Variants in BIRC3 observed in about 807,000 individuals in gnomAD.
BIRC3 encodes the protein baculoviral IAP repeat-containing protein 3.
A neutral mutation model predicts 59.0 loss-of-function variants in BIRC3; 26 were observed. The observed-to-expected ratio is 0.44, with a 90% CI of 0.32 to 0.61. BIRC3 has a LOEUF of 0.61. Among genes scored for constraint, BIRC3 ranks in the 20% least tolerant of loss-of-function variants. BIRC3 has a pLI of 0.04. For missense variants in BIRC3, 641 were observed against 711.5 expected, an observed-to-expected ratio of 0.90 and a Z score of 1.13; for synonymous variants, 243 against 249.2, an observed-to-expected ratio of 0.98 and a Z score of 0.24.
In BIRC3 at chr11:102,325,385, T is replaced by TA. The variant is rs769215256; in HGVS notation, c.853+31dup. ...TGGGTAAGAAACTGAATCTGCTAAT[T>TA]AAAAAAAATATATTTCATTTTATAC... On this transcript the variant is annotated intron_variant, in intron 2 of 8. Transcript: ENST00000263464. The TA allele has an allele frequency of 3.8e-5, 60 of 1,582,192 alleles. No homozygotes were observed. The East Asian group carries it at 7.4e-4, about 20-fold the overall frequency.
intron 3 of BIRC3, among the ~76,000 whole-genome samples, 195 bp from the exon 4 acceptor site, chr11:102,327,857 G>T (rs1040101114): frequency 3.9e-5 from 6 of 151,962 alleles, no homozygotes; most frequent in Non-Finnish European, 4.4e-5. Flanking sequence ...AATAGAATCA[G>T]TTCCCAGTGG....
At position 102,322,389 on chromosome 11, in the gene BIRC3, A is replaced by C. The variant is rs1308542514; in HGVS notation, c.-2121A>C. The C allele has an allele frequency of 4.8e-6, 1 of 207,078 alleles. No individual in the cohort carries two copies. The highest frequency in any genetic ancestry group is 2.3e-5 in the African/African-American group (1 of 43,958). The allele number at this position is 207,078 out of a possible 1,614,324, so 12.8% of individuals were successfully genotyped here. A position where few individuals can be genotyped will look rare whatever the true frequency, so the allele number is the denominator to read the frequency against. On this transcript the variant is annotated 5_prime_UTR_variant, in exon 2 of 9. Transcript: ENST00000263464. Reference sequence around the variant, plus strand: ...CAAATTTAGAGGAAGTAAAAAGATAAATGTGATGATTGGTCAAGAAATTAT... The same window carrying C: ...CAAATTTAGAGGAAGTAAAAAGATACATGTGATGATTGGTCAAGAAATTAT...
rs1950981370 is a variant in BIRC3 at position 102,317,587 on chromosome 11, T to C, written c.-2674+16T>C. 1.3e-5 allele frequency: 2 copies of C among 151,914 alleles called. No homozygotes were observed. Among genetic ancestry groups the C allele is most frequent in the Non-Finnish European group, 1.4e-5 (1 of 68,990 alleles). The allele number at this position is 151,914 out of a possible 1,614,324, so 9.4% of individuals were successfully genotyped here. On this transcript the variant is annotated intron_variant, in intron 1 of 8. Transcript: ENST00000263464. ...TGGGCAGCAGGTGGGCAAGGAAGGC[T>C]GGTGTGTGTGTGTGTGTGTGTGCGT...
In BIRC3 at chr11:102,331,251, T is replaced by C; in HGVS notation, c.1324+10T>C. 6.2e-7 allele frequency: 1 copy of C among 1,601,128 alleles called. No homozygotes were observed. Among genetic ancestry groups the C allele is most frequent in the Non-Finnish European group, 8.5e-7 (1 of 1,175,116 alleles). ...GAGGAAAAAGAATCAAGTATGTAGA[T>C]TTATTAATACAGTCTATTTTCATAA... On this transcript the variant is annotated intron_variant, in intron 6 of 8. Transcript: ENST00000263464.
intron 6 of BIRC3, 22 bp from the exon 7 acceptor site, chr11:102,335,944 G>T (rs759590535): frequency 3.1e-6 from 5 of 1,594,482 alleles, no homozygotes; most frequent in Non-Finnish European, 4.3e-6. Context: ...ACATGTTTAT[G>T]CTTGTTTTCT....
chr11:102,332,357 G>A (rs575203552), intron 6 of BIRC3, among the ~76,000 whole-genome samples: 4 of 152,290 alleles, frequency 2.6e-5, no homozygotes, highest in South Asian at 2.1e-4. Flanking sequence ...TAAGGAAAAC[G>A]GAAGGGAATT....
In BIRC3 at chr11:102,324,645, T is replaced by C. The variant is rs1379964530; in HGVS notation, c.136T>C (p.Ser46Pro). Reference protein sequence around the residue: ...YSTFPAGVPVSERSLARAGFY... With the variant: ...YSTFPAGVPVPERSLARAGFY... ...CACTTTTCCTGCTGGGGTTCCTGTC[T>C]CAGAAAGGAGTCTTGCTCGTGCTGG... Residue 46 changes from serine (S) to proline (P), a missense_variant, in exon 2 of 9, where the codon TCA becomes CCA. Ser to Pro is a moderately conservative substitution (Grantham distance 74). Transcript: ENST00000263464. The C allele has an allele frequency of 1.2e-6, 2 of 1,614,078 alleles. No individual in the cohort carries two copies.
intron 5 of BIRC3, among the ~76,000 whole-genome samples, chr11:102,330,409 A>G (rs536986553): frequency 6.6e-6 from 1 of 152,342 alleles, no homozygotes; most frequent in South Asian, 2.1e-4. Context: ...CAGAATGTGA[A>G]TGATTCAGTG....
chr11:102,318,394 C>A (rs1022251246), intron 1 of BIRC3, among the ~76,000 whole-genome samples: 3 of 152,174 alleles, frequency 2.0e-5, no homozygotes, highest in Non-Finnish European at 4.4e-5. Flanking sequence ...ACTCTGTGGT[C>A]ATTAATATAA....
intron 3 of BIRC3, among the ~76,000 whole-genome samples, chr11:102,327,635 G>C (rs1403631070): frequency 1.3e-5 from 2 of 150,910 alleles, no homozygotes; most frequent in Non-Finnish European, 3.0e-5. Flanking sequence ...GCGAGACTCT[G>C]TCTAAAAAAA....
intron 2 of BIRC3, 37 bp downstream of exon 2, chr11:102,325,399 T>C (rs778656538): frequency 1.3e-6 from 2 of 1,582,740 alleles, no homozygotes; most frequent in Non-Finnish European, 1.7e-6. Context: ...AAAAATATAT[T>C]TCATTTTATA....
chr11:102,327,539 C>T (rs1951096010), intron 3 of BIRC3, among the ~76,000 whole-genome samples: 1 of 151,990 alleles, frequency 6.6e-6, no homozygotes, highest in Non-Finnish European at 1.5e-5. Flanking sequence ...ACTCGGGAGG[C>T]TGAGGCACCA....
chr11:102,327,817 G>GA (rs1296981978), intron 3 of BIRC3, among the ~76,000 whole-genome samples: 2 of 151,850 alleles, frequency 1.3e-5, no homozygotes, highest in Admixed American at 6.6e-5. Context: ...GTTAGTTTTA[G>GA]AAAAAAAGTT....
rs1951041646 is a variant in BIRC3 at position 102,322,573 on chromosome 11, A to G, written c.-1937A>G. 3 of 206,186 alleles carry G rather than the reference A, an allele frequency of 1.5e-5. No individual in the cohort carries two copies. Among genetic ancestry groups the G allele is most frequent in the Non-Finnish European group, 3.0e-5 (3 of 101,016 alleles). 12.8% of individuals were successfully genotyped at this position (206,186 alleles called of 1,614,324 possible). A position where few individuals can be genotyped will look rare whatever the true frequency, so the allele number is the denominator to read the frequency against. On this transcript the variant is annotated 5_prime_UTR_variant, in exon 2 of 9. Coordinates refer to ENST00000263464, the MANE Select transcript of BIRC3 (RefSeq NM_001165.5). ...TAATATAAAGACAGTGATGAATACA[A>G]AGAAGATTTTTATAACAATGTGTAA...
rs1013012869 is a variant in BIRC3, at chr11:102,325,172, T to C, written c.663T>C (p.Ala221=). ...KLSNWEPKDN[A]MSEHLRHFPK... ...GCAATTGGGAACCGAAGGATAATGC[T>C]ATGTCAGAACACCTGAGACATTTTC... Residue 221 remains alanine (A), a synonymous_variant, in exon 2 of 9, where the codon GCT becomes GCC. Transcript: ENST00000263464. 3 of 1,614,180 alleles carry C rather than the reference T, an allele frequency of 1.9e-6. No individual in the cohort carries two copies. Among genetic ancestry groups the C allele is most frequent in the Middle Eastern group, 1.6e-4 (1 of 6,062 alleles).
intron 3 of BIRC3, among the ~76,000 whole-genome samples, chr11:102,327,374 C>T (rs1010121963): frequency 3.3e-5 from 5 of 152,156 alleles, no homozygotes; most frequent in African/African-American, 9.7e-5. Flanking sequence ...GGTGCAGTGG[C>T]TCATGCCTGT....
At position 102,335,348 on chromosome 11, in the gene BIRC3, G is replaced by A. The variant is rs1448897961; in HGVS notation, c.1325-618G>A. Among the ~76,000 whole-genome samples, 4 of 152,306 alleles carry A rather than the reference G, an allele frequency of 2.6e-5. No homozygotes were observed. The Middle Eastern group carries it at 0.01, about 389-fold the overall frequency. ...TGTCTTTCCCCAATTTGACTAGATT[G>A]AATTGAAACGTCAATTTTAATGGGT... On this transcript the variant is annotated intron_variant, in intron 6 of 8. Transcript: ENST00000263464.
intron 4 of BIRC3, among the ~76,000 whole-genome samples, chr11:102,328,684 C>T (rs1019041463): frequency 4.6e-5 from 7 of 152,004 alleles, no homozygotes; most frequent in African/African-American, 1.7e-4. Flanking sequence ...TATATACACA[C>T]ACTGAAACTC....
chr11:102,326,617 A>C (rs1245845324), intron 3 of BIRC3: 1 of 422,698 alleles, frequency 2.4e-6, no homozygotes, highest in Non-Finnish European at 4.7e-6. Context: ...AGAATACTGC[A>C]CTGGCAACAA....
Sources: gnomAD v4.1 joint callset for allele counts (sites outside exome capture counted in the v4.1 genomes callset) on GRCh38, gnomAD v4.1.1 for gene constraint, MANE v1.5 for transcripts, NCBI Gene and HGNC (gene_info 2026-07-23, HGNC 2026-07-21) for gene names.